The following CLIP1 variants were observed in gnomAD, a reference collection of about 807,000 sequenced individuals.
The protein encoded by CLIP1 is CAP-Gly domain containing linker protein 1, also known as CAP-Gly domain-containing linker protein 1.
A neutral mutation model predicts 161.6 loss-of-function variants in CLIP1; 66 were observed. The ratio of observed to expected loss-of-function variants is 0.41; its 90% confidence interval spans 0.33 to 0.50. CLIP1 has a LOEUF of 0.50. CLIP1 is among the 20% of genes least tolerant of loss of function. The pLI is 0.27. For missense variants in CLIP1, 1,376 were observed against 1,702.0 expected (o/e 0.81, Z 3.37); for synonymous variants, 598 against 626.2 (o/e 0.96, Z 0.67).
In CLIP1 at chr12:122,405,153, CTA is replaced by C. The variant is rs764850312; in HGVS notation, c.-107+17366_-107+17367del. Among the ~76,000 whole-genome samples the C allele has an allele frequency of 1.1e-4, 16 of 152,268 alleles. No homozygotes were observed. In the Middle Eastern group the frequency reaches 0.01, roughly 97 times the overall value. On this transcript the variant is annotated intron_variant, in intron 1 of 25. Transcript: ENST00000620786. Reference sequence around the variant, plus strand: ...GTCCTTTTTTCCATTCCTGTCATGACTATTTATAAGCACCAATATTTCTTCAC... The same window carrying C: ...GTCCTTTTTTCCATTCCTGTCATGACTTTATAAGCACCAATATTTCTTCAC...
chr12:122,395,718 CAT>C (rs982775106), intron 1 of CLIP1: 1 of 152,204 alleles, frequency 6.6e-6, no homozygotes, highest in African/African-American at 2.4e-5. Flanking sequence ...GTCATGTACG[CAT>C]ATCTGTATTA....
chr12:122,320,151 G>GTAGC (rs986996195), intron 17 of CLIP1, among the ~76,000 whole-genome samples: 1 of 151,790 alleles, frequency 6.6e-6, no homozygotes, highest in Non-Finnish European at 1.5e-5. Flanking sequence ...GCGGGTGCCT[G>GTAGC]TAGCTACTTG....
At chr12:122,345,436 C>T (rs1401485379) in intron 10 of CLIP1, among the ~76,000 whole-genome samples, 1 of 152,076 alleles carries the variant, frequency 6.6e-6, no homozygotes, top group Non-Finnish European at 1.5e-5. Context: ...GCTGGGATTA[C>T]AGGCATGAAA....
At chr12:122,408,053 T>C (rs1956395971) in intron 1 of CLIP1, among the ~76,000 whole-genome samples, 1 of 151,862 alleles carries the variant, frequency 6.6e-6, no homozygotes, top group African/African-American at 2.4e-5. Flanking sequence ...CTGACTAACA[T>C]GGCGAAACCC....
intron 21 of CLIP1, among the ~76,000 whole-genome samples, chr12:122,285,399 G>C (rs1955809733): frequency 1.3e-5 from 2 of 152,064 alleles, no homozygotes; most frequent in African/African-American, 4.8e-5. Flanking sequence ...GCTAATTTTT[G>C]TATTTTTAGT....
At chr12:122,334,193 A>G (rs1350325094) in intron 13 of CLIP1, 83 bp from the exon 14 acceptor site, 2 of 810,386 alleles carry the variant, frequency 2.5e-6, no homozygotes, top group African/African-American at 3.4e-5. Context: ...AACCCAGTCA[A>G]ATATTATGCT....
intron 1 of CLIP1, among the ~76,000 whole-genome samples, chr12:122,409,490 C>A (rs928299553): frequency 3.3e-5 from 5 of 152,110 alleles, no homozygotes; most frequent in Non-Finnish European, 7.3e-5. Flanking sequence ...TCTGTACAAC[C>A]ACCTTAGATG....
At position 122,328,047 on chromosome 12, in the gene CLIP1, G is replaced by A. The variant is rs773140799; in HGVS notation, c.3149C>T (p.Thr1050Met). The change falls in exon 17 of 26, where the codon ACG becomes ATG. Residue 1050 changes from threonine to methionine, a missense_variant. Thr to Met is a moderately conservative substitution (Grantham distance 81, BLOSUM62 -1). Around this residue, in one of 6 missense-constraint regions of CLIP1, gnomAD observed 948 missense variants for 1,134.8 expected, o/e 0.84. Coordinates refer to ENST00000620786, the MANE Select transcript of CLIP1 (RefSeq NM_001247997.2). ...CAGCTTGTCCTCTGTGTCCAGCAGCGTCTTCTGGAGGTTCTGTAGGATTTC... is the reference window on the plus strand; with the variant it reads ...CAGCTTGTCCTCTGTGTCCAGCAGCATCTTCTGGAGGTTCTGTAGGATTTC... The part of the protein sequence containing the change: ...HEEILQNLQK[T>M]LLDTEDKLKG... The A allele has an allele frequency of 2.0e-5, 32 of 1,614,004 alleles. No homozygotes were observed. Among genetic ancestry groups the A allele is most frequent in the South Asian group, 8.8e-5 (8 of 91,090 alleles).
Position 122,327,903 on chromosome 12 carries a change from C to T in CLIP1, c.3249+44G>A, listed in dbSNP as rs561711448. The T allele has an allele frequency of 1.4e-4, 229 of 1,582,372 alleles. 1 individual carries two copies. In the South Asian group the frequency reaches 2.4e-3, roughly 17 times the overall value. ...GCACCCTTCCTGCCTCGACACAGAG[C>T]TCAGGCAAGCTACAACACAAGGAAA... On this transcript the variant is annotated intron_variant, in intron 17 of 25. Transcript: ENST00000620786.
At chr12:122,332,902 C>T in intron 15 of CLIP1, 85 bp downstream of exon 15, 1 of 1,092,556 alleles carries the variant, frequency 9.2e-7, no homozygotes, top group Non-Finnish European at 1.3e-6. Flanking sequence ...ACGTAACAAT[C>T]CTAAACATTT....
intron 20 of CLIP1, among the ~76,000 whole-genome samples, chr12:122,299,915 C>CA (rs112291457): frequency 0.11 from 14,790 of 137,116 alleles, 2,350 homozygotes; most frequent in African/African-American, 0.36. Context: ...GACTCTGTCT[C>CA]AAAAAAAAAA....
chr12:122,320,725 T>C (rs1951465171), intron 17 of CLIP1, among the ~76,000 whole-genome samples: 1 of 151,564 alleles, frequency 6.6e-6, no homozygotes, highest in Non-Finnish European at 1.5e-5. Flanking sequence ...CTCTTTTTTT[T>C]TTTTTTAGGC....
chr12:122,419,046 A>G (rs1017957113), intron 1 of CLIP1, among the ~76,000 whole-genome samples: 2 of 152,174 alleles, frequency 1.3e-5, no homozygotes, highest in African/African-American at 4.8e-5. Flanking sequence ...TATAAAATCA[A>G]TCTGACATTT....
chr12:122,328,616 G>T (rs1212811386), intron 15 of CLIP1, among the ~76,000 whole-genome samples, 190 bp from the exon 16 acceptor site: 1 of 152,048 alleles, frequency 6.6e-6, no homozygotes, highest in South Asian at 2.1e-4. Flanking sequence ...GCGGAGTCTC[G>T]CTCTGTCGCA....
At chr12:122,403,030 AAC>A (rs1351017073) in intron 1 of CLIP1, among the ~76,000 whole-genome samples, 1 of 152,112 alleles carries the variant, frequency 6.6e-6, no homozygotes, top group Non-Finnish European at 1.5e-5. Flanking sequence ...GGAAGCAGAA[AAC>A]AAGCAGCTCT....
intron 9 of CLIP1, among the ~76,000 whole-genome samples, chr12:122,348,473 TG>T (rs1013109728): frequency 6.6e-6 from 1 of 152,154 alleles, no homozygotes; most frequent in Non-Finnish European, 1.5e-5. Flanking sequence ...AAAGAGCTGG[TG>T]GGTTCCTAAG....
At chr12:122,336,339 G>A (rs1433368807) in intron 12 of CLIP1, among the ~76,000 whole-genome samples, 1 of 150,980 alleles carries the variant, frequency 6.6e-6, no homozygotes, top group East Asian at 1.9e-4. Flanking sequence ...AACTTGGAAG[G>A]GCTCTGTGTT....
intron 3 of CLIP1, 43 bp downstream of exon 3, chr12:122,377,346 A>G (rs1443943654): frequency 2.6e-6 from 4 of 1,537,094 alleles, no homozygotes; most frequent in Middle Eastern, 1.7e-4. Context: ...TGGTGTTTAT[A>G]TCTCAGTTCA....
chr12:122,298,464 C>T (rs1010055490), intron 20 of CLIP1, among the ~76,000 whole-genome samples: 3 of 151,766 alleles, frequency 2.0e-5, no homozygotes, highest in Admixed American at 1.3e-4. Context: ...ATTAGCTGGG[C>T]GTGGTGGTGG....
Sources: allele counts gnomAD v4.1 joint callset (sites outside exome capture counted in the v4.1 genomes callset), GRCh38; gene constraint gnomAD v4.1.1; regional missense constraint gnomAD v4.1.1; transcripts MANE v1.5; gene names NCBI Gene and HGNC (gene_info 2026-07-23, HGNC 2026-07-21).